The following IL4R variants were observed in gnomAD, a reference collection of about 807,000 sequenced individuals.
The protein encoded by IL4R is interleukin-4 receptor subunit alpha.
A neutral mutation model predicts 41.5 loss-of-function variants in IL4R; 17 were observed. The observed-to-expected ratio is 0.41, with a 90% CI of 0.28 to 0.61. The LOEUF is 0.61. Among genes scored for constraint, IL4R ranks in the 20% least tolerant of loss-of-function variants. The probability of loss-of-function intolerance (pLI) is 0.31; values close to 1 mark genes in which losing one functional copy is unlikely to be tolerated. For missense variants in IL4R, 974 were observed against 1,043.1 expected, an observed-to-expected ratio of 0.93 and a Z score of 0.91; for synonymous variants, 402 against 422.9, an observed-to-expected ratio of 0.95 and a Z score of 0.61.
chr16:27,319,008 A>G (rs1403442390), intron 1 of IL4R, among the ~76,000 whole-genome samples: 1 of 152,232 alleles, frequency 6.6e-6, no homozygotes, highest in African/African-American at 2.4e-5. Context: ...GAGGGCCCTC[A>G]TGGAGCTGAA....
chr16:27,358,136 C>A (rs2086156044), intron 8 of IL4R, among the ~76,000 whole-genome samples: 2 of 152,326 alleles, frequency 1.3e-5, no homozygotes, highest in South Asian at 2.1e-4. Flanking sequence ...TCAGGTGATA[C>A]ACCTGCCTTG....
At chr16:27,358,288 G>A (rs3024656) in intron 8 of IL4R, among the ~76,000 whole-genome samples, 30,396 of 152,186 alleles carry the variant, frequency 0.2, 4,069 homozygotes, top group Non-Finnish European at 0.3. Context: ...TCACTGTTGT[G>A]GCCTCAGGGC....
chr16:27,352,526 CT>C lies in IL4R; in HGVS notation c.514-10del. ...CCCCGGCTGGTGCCCTAACATCTCCCTTTTCTCTACCAGTTCAGAATCTATA... is the reference window on the plus strand; with the variant it reads ...CCCCGGCTGGTGCCCTAACATCTCCCTTTCTCTACCAGTTCAGAATCTATA... On this transcript the variant is annotated splice_polypyrimidine_tract_variant and intron_variant, in intron 6 of 10. Transcript: ENST00000395762. 1 of 1,612,658 alleles carries C rather than the reference CT, an allele frequency of 6.2e-7. No homozygotes were observed. The highest frequency in any genetic ancestry group is 8.5e-7 in the Non-Finnish European group (1 of 1,178,852).
chr16:27,344,843 G>A, intron 4 of IL4R, 26 bp from the exon 5 acceptor site: 1 of 1,613,068 alleles, frequency 6.2e-7, no homozygotes, highest in Non-Finnish European at 8.5e-7. Context: ...CAGGTGACCA[G>A]CCTAACCCAG....
At chr16:27,320,752 T>C (rs1263476787) in intron 1 of IL4R, among the ~76,000 whole-genome samples, 1 of 152,166 alleles carries the variant, frequency 6.6e-6, no homozygotes, top group Non-Finnish European at 1.5e-5. Flanking sequence ...TCTGCCTTTT[T>C]AAAAGGGAAG....
chr16:27,330,458 G>A (rs1047298417), intron 2 of IL4R, among the ~76,000 whole-genome samples: 5 of 151,652 alleles, frequency 3.3e-5, no homozygotes, highest in East Asian at 1.9e-4. Flanking sequence ...TGTTCCCCCC[G>A]AGGGCAAGAT....
In IL4R at chr16:27,319,668, G is replaced by A. The variant is rs191518112; in HGVS notation, c.-152+5648G>A. Among the ~76,000 whole-genome samples, 441 of 152,176 alleles carry A rather than the reference G, an allele frequency of 2.9e-3. 3 individuals are homozygous for A. Among genetic ancestry groups the A allele is most frequent in the Non-Finnish European group, 4.8e-3 (327 of 68,008 alleles). On this transcript the variant is annotated intron_variant, in intron 1 of 10. Transcript: ENST00000395762. ...ACCTTCCTCAGTGTCTCAGACCAGG[G>A]GTCCCCACACAGCAGGGCCACACAG...
intron 2 of IL4R, among the ~76,000 whole-genome samples, chr16:27,337,091 G>A (rs766088381): frequency 1.3e-5 from 2 of 151,462 alleles, no homozygotes; most frequent in African/African-American, 4.9e-5. Flanking sequence ...AAAATAAAAT[G>A]AAATAAAATA....
intron 8 of IL4R, among the ~76,000 whole-genome samples, chr16:27,357,377 TAA>T (rs2086114470): frequency 6.6e-6 from 1 of 152,198 alleles, no homozygotes; most frequent in African/African-American, 2.4e-5. Context: ...ATTCCTGGGC[TAA>T]AGAGATCCTC....
At chr16:27,355,224 G>A (rs900100599) in intron 7 of IL4R, 1 of 294,806 alleles carries the variant, frequency 3.4e-6, no homozygotes, top group East Asian at 8.5e-5. Flanking sequence ...GCAGAGGAAG[G>A]GGATGGAGCG....
At chr16:27,355,642 T>C (rs908343874) in intron 7 of IL4R, 166 bp from the exon 8 acceptor site, 3 of 567,810 alleles carry the variant, frequency 5.3e-6, no homozygotes, top group Non-Finnish European at 9.5e-6. Context: ...GAGGACTCAA[T>C]GTGCAAGAGG....
intron 6 of IL4R, among the ~76,000 whole-genome samples, chr16:27,349,317 C>A (rs2085782348): frequency 6.6e-6 from 1 of 152,216 alleles, no homozygotes; most frequent in Non-Finnish European, 1.5e-5. Flanking sequence ...TAGGCACCAA[C>A]TGTGGCTCAT....
At chr16:27,319,917 T>A (rs1289146357) in intron 1 of IL4R, among the ~76,000 whole-genome samples, 1 of 152,138 alleles carries the variant, frequency 6.6e-6, no homozygotes, top group Non-Finnish European at 1.5e-5. Flanking sequence ...TCGCCCAGAC[T>A]GGAGTGCAAT....
intron 2 of IL4R, among the ~76,000 whole-genome samples, chr16:27,333,713 G>A (rs2085175036): frequency 6.6e-6 from 1 of 152,036 alleles, no homozygotes; most frequent in Non-Finnish European, 1.5e-5. Flanking sequence ...GTTTCCAATG[G>A]CTCTGCTTAA....
intron 1 of IL4R, among the ~76,000 whole-genome samples, chr16:27,319,672 C>T (rs890319174): frequency 2.6e-5 from 4 of 152,168 alleles, no homozygotes; most frequent in African/African-American, 9.6e-5. Flanking sequence ...ACCAGGGGTC[C>T]CCACACAGCA....
intron 1 of IL4R, among the ~76,000 whole-genome samples, chr16:27,328,814 A>T (rs1596773298): frequency 6.6e-6 from 1 of 152,290 alleles, no homozygotes; most frequent in East Asian, 1.9e-4. Flanking sequence ...ATGGAGGAAT[A>T]TGTCTTTTGT....
intron 2 of IL4R, 112 bp from the exon 3 acceptor site, chr16:27,340,074 A>G: frequency 1.4e-6 from 1 of 703,816 alleles, no homozygotes; most frequent in Non-Finnish European, 2.4e-6. Context: ...CAAACAAACA[A>G]GCAAACAAAC....
At chr16:27,328,711 T>G (rs2141085429) in intron 1 of IL4R, among the ~76,000 whole-genome samples, 1 of 152,286 alleles carries the variant, frequency 6.6e-6, no homozygotes, top group Middle Eastern at 3.4e-3. Flanking sequence ...AACAATGCAT[T>G]TATAGACAAA....
chr16:27,343,787 A>C (rs1015707253), intron 4 of IL4R, among the ~76,000 whole-genome samples: 2 of 152,152 alleles, frequency 1.3e-5, no homozygotes, highest in African/African-American at 4.8e-5. Flanking sequence ...GCATGTTCTC[A>C]CTTATAAGTA....
Sources: allele counts gnomAD v4.1 joint callset (sites outside exome capture counted in the v4.1 genomes callset), GRCh38; gene constraint gnomAD v4.1.1; transcripts MANE v1.5; gene names NCBI Gene and HGNC (gene_info 2026-07-23, HGNC 2026-07-21).